Variants in EPHB2 observed in about 807,000 individuals in gnomAD.
The protein encoded by EPHB2 is ephrin type-B receptor 2.
Under a neutral mutation model 96.4 loss-of-function variants are expected in EPHB2, and 18 were observed. The observed-to-expected ratio is 0.19, with a 90% CI of 0.13 to 0.28. The LOEUF (loss-of-function observed/expected upper bound fraction) is 0.28. Among genes scored for constraint, EPHB2 ranks in the 10% least tolerant of loss-of-function variants. EPHB2 has a pLI of 1.00. For synonymous variants in EPHB2, 506 were observed against 534.1 expected (o/e 0.95, Z 0.72); for missense variants, 989 against 1,355.4 (o/e 0.73, Z 4.25).
intron 3 of EPHB2, among the ~76,000 whole-genome samples, chr1:22,805,412 A>G (rs28709833): frequency 0.076 from 11,480 of 151,658 alleles, 1,356 homozygotes; most frequent in African/African-American, 0.26. Context: ...CTCCTGTGGT[A>G]CTCCCCAAGG....
At chr1:22,780,161 A>G (rs1357551515) in intron 1 of EPHB2, among the ~76,000 whole-genome samples, 1 of 152,230 alleles carries the variant, frequency 6.6e-6, no homozygotes, top group Non-Finnish European at 1.5e-5. Context: ...GTGTATTGCA[A>G]TTCCATTCAG....
intron 1 of EPHB2, 148 bp downstream of exon 1, chr1:22,711,191 C>T (rs1362099794): frequency 6.8e-6 from 1 of 146,118 alleles, no homozygotes; most frequent in East Asian, 2.0e-4. Flanking sequence ...TGTGTCCGGC[C>T]GCGCCGGGAG....
Position 22,820,760 on chromosome 1 carries a change from T to A in EPHB2, c.811+35684T>A, listed in dbSNP as rs10917306. 1.2e-3 allele frequency among the ~76,000 whole-genome samples: 184 copies of A among 152,358 alleles called. 4 individuals carry two copies. The East Asian group carries it at 0.027, about 22-fold the overall frequency. On this transcript the variant is annotated intron_variant, in intron 3 of 15. Transcript: ENST00000374630. ...TGCCAATGGGTTTACATAAATGTTTTATTTTCTCCTTGGAACTACACCAAG... is the reference window on the plus strand; with the variant it reads ...TGCCAATGGGTTTACATAAATGTTTAATTTTCTCCTTGGAACTACACCAAG...
intron 3 of EPHB2, among the ~76,000 whole-genome samples, chr1:22,795,862 C>T (rs369263238): frequency 4.5e-4 from 68 of 152,274 alleles, no homozygotes; most frequent in Admixed American, 1.1e-3. Flanking sequence ...CAGCTCCCCC[C>T]GCCGGGGGAG....
chr1:22,860,495 C>A lies in EPHB2; in HGVS notation c.812-2542C>A, dbSNP rs1002673572. Among the ~76,000 whole-genome samples the A allele has an allele frequency of 9.9e-5, 15 of 152,064 alleles. No homozygotes were observed. Among genetic ancestry groups the A allele is most frequent in the Non-Finnish European group, 2.2e-4 (15 of 68,028 alleles). On this transcript the variant is annotated intron_variant, in intron 3 of 15. Transcript: ENST00000374630. The surrounding 1 kb of genome is among the most constrained non-coding windows in gnomAD (Gnocchi z 4.6). ...GAAGGGCGGCTTAGGGCAGGGGCAG[C>A]CTGGGGAGTCTGAGAGGGAGCCAGG...
At chr1:22,856,514 G>A (rs1000178851) in intron 3 of EPHB2, among the ~76,000 whole-genome samples, 3 of 152,108 alleles carry the variant, frequency 2.0e-5, no homozygotes, top group Admixed American at 6.5e-5. Context: ...CCGTCCCCTC[G>A]GCAGGCCTGA....
At chr1:22,851,683 AC>A (rs1645627698) in intron 3 of EPHB2, among the ~76,000 whole-genome samples, 1 of 152,120 alleles carries the variant, frequency 6.6e-6, no homozygotes, top group African/African-American at 2.4e-5. Context: ...AATGTCTGAG[AC>A]CCTGCCTTAC....
rs778333741 is a variant in EPHB2, at chr1:22,910,431, G to A, written c.2552G>A (p.Cys851Tyr). The change falls in exon 14 of 16, where the codon TGC (cysteine) becomes TAC (tyrosine). Residue 851 changes from cysteine (C) to tyrosine (Y), a missense_variant. By Grantham distance (194) the Cys-to-Tyr change is radical. Transcript: ENST00000374630. ...QDYRLPPPMD[C>Y]PSALHQLMLD... ...TATCGGCTGCCACCGCCCATGGACT[G>A]CCCGAGCGCCCTGCACCAACTCATG... The A allele has an allele frequency of 1.2e-6, 2 of 1,614,230 alleles. No homozygotes were observed. The highest frequency in any genetic ancestry group is 1.7e-6 in the Non-Finnish European group (2 of 1,180,028).
chr1:22,820,634 T>C (rs963315618), intron 3 of EPHB2, among the ~76,000 whole-genome samples: 1 of 152,110 alleles, frequency 6.6e-6, no homozygotes, highest in African/African-American at 2.4e-5. Flanking sequence ...CTGCACTCCA[T>C]GCACTCCAGC....
At chr1:22,832,980 G>T (rs1241294991) in intron 3 of EPHB2, among the ~76,000 whole-genome samples, 3 of 152,094 alleles carry the variant, frequency 2.0e-5, no homozygotes, top group Admixed American at 6.6e-5. Flanking sequence ...AACATGAATT[G>T]TGCTCATGTG....
intron 3 of EPHB2, among the ~76,000 whole-genome samples, chr1:22,841,154 T>C (rs1011127884): frequency 5.3e-5 from 8 of 152,198 alleles, no homozygotes; most frequent in African/African-American, 1.9e-4. Context: ...CCACCAACTC[T>C]AGAGCAGTGT....
intron 5 of EPHB2, among the ~76,000 whole-genome samples, chr1:22,880,689 C>T (rs1015056543): frequency 6.6e-6 from 1 of 152,216 alleles, no homozygotes; most frequent in African/African-American, 2.4e-5. Flanking sequence ...CTCAGGAAGC[C>T]GTGTGCACCT....
intron 3 of EPHB2, among the ~76,000 whole-genome samples, chr1:22,797,457 TC>T (rs1644783230): frequency 6.6e-6 from 1 of 152,084 alleles, no homozygotes; most frequent in South Asian, 2.1e-4. Flanking sequence ...TGTGGCTAGT[TC>T]CTGTTCATCT....
chr1:22,818,120 A>T (rs1166272868), intron 3 of EPHB2, among the ~76,000 whole-genome samples: 1 of 151,990 alleles, frequency 6.6e-6, no homozygotes, highest in African/African-American at 2.4e-5. Context: ...CGCTTCCCTT[A>T]CTACAGCTGA....
chr1:22,840,720 C>G (rs559153613), intron 3 of EPHB2, among the ~76,000 whole-genome samples: 224 of 152,274 alleles, frequency 1.5e-3, no homozygotes, highest in African/African-American at 5.0e-3. Context: ...CTTTGCCTCC[C>G]GAAGTGCTGG....
intron 1 of EPHB2, among the ~76,000 whole-genome samples, chr1:22,777,544 C>T (rs558912313): frequency 6.6e-6 from 1 of 152,248 alleles, no homozygotes; most frequent in South Asian, 2.1e-4. Context: ...GTTCTTGAGG[C>T]AATAACTATT....
At position 22,865,123 on chromosome 1, in the gene EPHB2, C is replaced by T; in HGVS notation, c.1214C>T (p.Thr405Ile). The T allele has an allele frequency of 6.2e-7, 1 of 1,614,240 alleles. No individual in the cohort carries two copies. The highest frequency in any genetic ancestry group is 8.5e-7 in the Non-Finnish European group (1 of 1,180,052). Residue 405 changes from threonine (T) to isoleucine (I), a missense_variant, in exon 5 of 16, where the codon ACC (threonine) becomes ATC (isoleucine). By Grantham distance (89) the Thr-to-Ile change is moderately conservative (BLOSUM62 -1). Transcript: ENST00000374630. Reference sequence around the variant, plus strand: ...GACCTGCTGGCCCACACCCAGTACACCTTCGAGATCCAGGCTGTGAACGGC... The same window carrying T: ...GACCTGCTGGCCCACACCCAGTACATCTTCGAGATCCAGGCTGTGAACGGC... ...ISDLLAHTQY[T>I]FEIQAVNGVT...
At chr1:22,872,326 G>A (rs1342872903) in intron 5 of EPHB2, among the ~76,000 whole-genome samples, 1 of 152,080 alleles carries the variant, frequency 6.6e-6, no homozygotes, top group African/African-American at 2.4e-5. Context: ...GCTGGGAAAG[G>A]TTCTCTTCAT....
intron 1 of EPHB2, among the ~76,000 whole-genome samples, chr1:22,780,705 C>T (rs1444084516): frequency 2.6e-5 from 4 of 152,120 alleles, no homozygotes; most frequent in African/African-American, 4.8e-5. Flanking sequence ...AGTGGCAGAG[C>T]CTCGGAAACC....
Sources: gnomAD v4.1 joint callset for allele counts (sites outside exome capture counted in the v4.1 genomes callset) on GRCh38, gnomAD v4.1.1 for gene constraint, Gnocchi (gnomAD v3.1) non-coding constraint, MANE v1.5 for transcripts, NCBI Gene and HGNC (gene_info 2026-07-23, HGNC 2026-07-21) for gene names.